MGAT4C: variants seen among roughly 807,000 people sequenced by gnomAD.
MGAT4C encodes MGAT4 family member C, also known as alpha-1,3-mannosyl-glycoprotein 4-beta-N-acetylglucosaminyltransferase C.
A neutral mutation model predicts 40.1 loss-of-function variants in MGAT4C; 19 were observed. That is an observed-to-expected ratio of 0.47 (90% CI 0.33 to 0.70). The LOEUF is 0.70. Among genes scored for constraint, MGAT4C ranks in the 30% least tolerant of loss-of-function variants. The pLI, the probability that MGAT4C is intolerant of heterozygous loss-of-function variation, is 0.02. For synonymous variants in MGAT4C, 181 were observed against 187.1 expected (o/e 0.97, Z 0.27); for missense variants, 491 against 563.2 (o/e 0.87, Z 1.30).
chr12:86,169,736 G>A (rs888171257), intron 1 of MGAT4C, among the ~76,000 whole-genome samples: 2 of 152,088 alleles, frequency 1.3e-5, no homozygotes, highest in Admixed American at 6.6e-5. Context: ...CAATAATTCA[G>A]ATCAACCTCT....
At chr12:86,732,632 G>T (rs1167884960) in intron 1 of MGAT4C, among the ~76,000 whole-genome samples, 2 of 152,040 alleles carry the variant, frequency 1.3e-5, no homozygotes, top group African/African-American at 2.4e-5. Context: ...TCTGACAGGA[G>T]GTGGAGCTCA....
chr12:86,512,784 A>G (rs1958614420), intron 2 of MGAT4C, among the ~76,000 whole-genome samples: 1 of 152,040 alleles, frequency 6.6e-6, no homozygotes, highest in African/African-American at 2.4e-5. Context: ...GAGGGAGAGG[A>G]ATATAGGGAG....
At position 86,410,722 on chromosome 12, in the gene MGAT4C, A is replaced by G. The variant is rs371919462; in HGVS notation, c.-120+24435T>C. ...AATTATGAGAGTATTAATTTTGGGAACTGATAAATGTCCAGGAAATCTTCA... is the reference window on the plus strand; with the variant it reads ...AATTATGAGAGTATTAATTTTGGGAGCTGATAAATGTCCAGGAAATCTTCA... On this transcript the variant is annotated intron_variant, in intron 3 of 7. Transcript: ENST00000548651. Among the ~76,000 whole-genome samples, 137 of 152,340 alleles carry G rather than the reference A, an allele frequency of 9.0e-4. No individual in the cohort carries two copies. The South Asian group carries it at 0.022, about 25-fold the overall frequency.
chr12:86,802,021 A>G (rs1952238802), intron 1 of MGAT4C, among the ~76,000 whole-genome samples: 1 of 151,912 alleles, frequency 6.6e-6, no homozygotes, highest in East Asian at 1.9e-4. Flanking sequence ...AAATGCTGTC[A>G]GCCACTATTA....
chr12:86,619,863 G>A (rs998827702), intron 2 of MGAT4C, among the ~76,000 whole-genome samples: 2 of 152,056 alleles, frequency 1.3e-5, no homozygotes, highest in Admixed American at 6.6e-5. Context: ...CCACTAGCTT[G>A]CAAACTTATT....
At chr12:86,490,808 G>C (rs1322947083) in intron 2 of MGAT4C, among the ~76,000 whole-genome samples, 2 of 152,064 alleles carry the variant, frequency 1.3e-5, no homozygotes, top group Non-Finnish European at 2.9e-5. Context: ...GATCAAAAGA[G>C]ACAAAGAAGG....
chr12:86,609,528 G>A (rs909118710), intron 2 of MGAT4C, among the ~76,000 whole-genome samples: 1 of 152,018 alleles, frequency 6.6e-6, no homozygotes, highest in South Asian at 2.1e-4. Context: ...AACAGATATT[G>A]TCCTGTGGGT....
intron 1 of MGAT4C, among the ~76,000 whole-genome samples, chr12:86,087,038 T>C (rs1219311425): frequency 6.6e-6 from 1 of 152,124 alleles, no homozygotes; most frequent in African/African-American, 2.4e-5. Flanking sequence ...TTTTATTGTG[T>C]ATATACCCCA....
At chr12:86,273,373 T>G (rs2136109936) in intron 4 of MGAT4C, among the ~76,000 whole-genome samples, 1 of 152,202 alleles carries the variant, frequency 6.6e-6, no homozygotes, top group East Asian at 1.9e-4. Flanking sequence ...TAATGGAACA[T>G]AAGAAAAATA....
At chr12:86,490,459 C>A (rs1322164670) in intron 2 of MGAT4C, among the ~76,000 whole-genome samples, 1 of 152,082 alleles carries the variant, frequency 6.6e-6, no homozygotes, top group East Asian at 1.9e-4. Flanking sequence ...GTACCAGCCA[C>A]TGCAAAATCA....
In MGAT4C at chr12:86,703,742, T is replaced by C. The variant is rs561678533; in HGVS notation, c.-229+23467A>G. Among the ~76,000 whole-genome samples the C allele has an allele frequency of 4.0e-4, 61 of 151,346 alleles. 2 individuals carry two copies. The highest frequency in any genetic ancestry group is 1.5e-3 in the African/African-American group (60 of 40,648). On this transcript the variant is annotated intron_variant, in intron 2 of 7. Coordinates refer to the MGAT4C transcript ENST00000548651. ...GTTGTTGTCTGGAGCCTAACCCACA[T>C]TATCTCCTATGTATGCCTCTACTTA...
At chr12:86,370,861 T>C (rs1439542078) in intron 3 of MGAT4C, among the ~76,000 whole-genome samples, 1 of 152,082 alleles carries the variant, frequency 6.6e-6, no homozygotes, top group Non-Finnish European at 1.5e-5. Flanking sequence ...CACACATAAA[T>C]AAGGCTGCAT....
chr12:85,979,786 A>G lies in MGAT4C; in HGVS notation c.940T>C (p.Tyr314His). ...TCCGTCCCTTTGTATGATGAATAATAGCCCATGTGCTGAAAGAGAGATGGT... is the reference window on the plus strand; with the variant it reads ...TCCGTCCCTTTGTATGATGAATAATGGCCCATGTGCTGAAAGAGAGATGGT... ...FKPSLFQHMG[Y>H]YSSYKGTENK... The change falls in exon 5 of 5, where the codon TAT (tyrosine) becomes CAT (histidine). Residue 314 changes from tyrosine to histidine, a missense_variant. Transcript: ENST00000611864. The G allele has an allele frequency of 6.2e-7, 1 of 1,613,756 alleles. No homozygotes were observed. Among genetic ancestry groups the G allele is most frequent in the Non-Finnish European group, 8.5e-7 (1 of 1,179,832 alleles).
At chr12:85,990,569 C>A (rs530751017) in intron 2 of MGAT4C, among the ~76,000 whole-genome samples, 1 of 152,000 alleles carries the variant, frequency 6.6e-6, no homozygotes, top group Non-Finnish European at 1.5e-5. Flanking sequence ...ACATAGCTGG[C>A]AAATCTTATC....
At position 86,011,593 on chromosome 12, in the gene MGAT4C, G is replaced by A. The variant is rs189155632; in HGVS notation, c.-6-22041C>T. On this transcript the variant is annotated intron_variant, in intron 2 of 4. Coordinates refer to ENST00000611864, the MANE Select transcript of MGAT4C (RefSeq NM_001351288.2). ...GCTTATAATAGTATAGTAGAAAACGGGATGAGAGAATTGAAGCAAGTTAAT... is the reference window on the plus strand; with the variant it reads ...GCTTATAATAGTATAGTAGAAAACGAGATGAGAGAATTGAAGCAAGTTAAT... Among the ~76,000 whole-genome samples, 7 of 152,202 alleles carry A rather than the reference G, an allele frequency of 4.6e-5. No individual in the cohort carries two copies. In the East Asian group the frequency reaches 1.2e-3, roughly 25 times the overall value.
At chr12:86,758,329 A>G (rs375731381) in intron 1 of MGAT4C, among the ~76,000 whole-genome samples, 32 of 152,174 alleles carry the variant, frequency 2.1e-4, no homozygotes, top group African/African-American at 7.7e-4. Context: ...ATAAGCTGCA[A>G]AATGTTAGAA....
At chr12:86,301,664 A>C (rs1953815695) in intron 4 of MGAT4C, among the ~76,000 whole-genome samples, 1 of 152,188 alleles carries the variant, frequency 6.6e-6, no homozygotes, top group South Asian at 2.1e-4. Flanking sequence ...GATGTGTGAT[A>C]TATGTCAGGA....
At chr12:86,781,306 T>A (rs988563424) in intron 1 of MGAT4C, among the ~76,000 whole-genome samples, 1 of 152,028 alleles carries the variant, frequency 6.6e-6, no homozygotes, top group Non-Finnish European at 1.5e-5. Context: ...TTTCTCCTCA[T>A]CCTCATCAAC....
rs544434797 is a variant in MGAT4C at position 85,969,230 on chromosome 12, C to G, written c.*10059G>C. 2 of 151,688 alleles carry G rather than the reference C, an allele frequency of 1.3e-5. No homozygotes were observed. Among genetic ancestry groups the G allele is most frequent in the South Asian group, 4.2e-4 (2 of 4,816 alleles). 9.4% of individuals were successfully genotyped at this position (151,688 alleles called of 1,614,324 possible). On this transcript the variant is annotated 3_prime_UTR_variant, in exon 5 of 5. Transcript: ENST00000611864. ...AATGGAAGTACCGATTAGGAGAGTA[C>G]CAAATACATATTAAACACTCAGTTC... is the stretch of plus-strand genomic sequence containing the variant.
Sources: gnomAD v4.1 joint callset for allele counts (sites outside exome capture counted in the v4.1 genomes callset) on GRCh38, gnomAD v4.1.1 for gene constraint, MANE v1.5 for transcripts, NCBI Gene and HGNC (gene_info 2026-07-23, HGNC 2026-07-21) for gene names.